Variants in CEP152 observed in about 807,000 individuals in gnomAD.
The protein encoded by CEP152 is centrosomal protein of 152 kDa.
Under a neutral mutation model 188.9 loss-of-function variants are expected in CEP152, and 132 were observed. The ratio of observed to expected loss-of-function variants is 0.70; its 90% CI spans 0.61 to 0.81. The LOEUF (loss-of-function observed/expected upper bound fraction) is 0.81, where lower values mean the gene tolerates loss of function less well. Among genes scored for constraint, CEP152 ranks in the 30% least tolerant of loss-of-function variants. The pLI is 0.00. For missense variants in CEP152, 1,914 were observed against 1,969.8 expected (o/e 0.97, Z 0.54); for synonymous variants, 649 against 666.6 (o/e 0.97, Z 0.41).
At chr15:48,796,968 T>G (rs1332564296) in intron 5 of CEP152, among the ~76,000 whole-genome samples, 2 of 152,190 alleles carry the variant, frequency 1.3e-5, no homozygotes, top group African/African-American at 4.8e-5. Flanking sequence ...ATAAGAGACC[T>G]GAACACAGCT....
intron 1 of CEP152, chr15:48,810,643 C>G (rs1898270239): frequency 6.6e-6 from 1 of 152,336 alleles, no homozygotes; most frequent in Admixed American, 6.5e-5. Flanking sequence ...CACACGTGCA[C>G]AGAGCACCTA....
chr15:48,794,506 C>T (rs758492209), intron 6 of CEP152, among the ~76,000 whole-genome samples: 4 of 151,984 alleles, frequency 2.6e-5, no homozygotes, highest in Non-Finnish European at 5.9e-5. Flanking sequence ...TAGAGCTAGC[C>T]CCATCTCCAA....
At chr15:48,765,588 TATTCCTGGA>T in intron 17 of CEP152, 1 of 421,380 alleles carries the variant, frequency 2.4e-6, no homozygotes, top group South Asian at 1.8e-5. Flanking sequence ...TATCAGAAAA[TATTCCTGGA>T]ATGACCTCTT....
Position 48,772,587 on chromosome 15 carries a change from C to A in CEP152, c.1682G>T (p.Arg561Leu). The A allele has an allele frequency of 6.2e-7, 1 of 1,613,990 alleles. No individual in the cohort carries two copies. The highest frequency in any genetic ancestry group is 8.5e-7 in the Non-Finnish European group (1 of 1,179,948). Residue 561 changes from arginine to leucine, a missense_variant, in exon 13 of 27, where the codon CGT becomes CTT. Coordinates refer to ENST00000380950, the MANE Select transcript of CEP152 (RefSeq NM_001194998.2). ...ATTTTGTAACTGAGACACCAGATGA[C>A]GCTTCATTGAGTTGCTACCCAGCAA... ...QRLLGSNSMK[R>L]HLVSQLQNDL...
chr15:48,788,757 G>A (rs1896825033), intron 9 of CEP152, 44 bp downstream of exon 9: 1 of 1,528,474 alleles, frequency 6.5e-7, no homozygotes, highest in Non-Finnish European at 9.1e-7. Flanking sequence ...AACATAACCA[G>A]CTTTACTTGT....
chr15:48,777,510 G>T (rs377694866), intron 12 of CEP152, among the ~76,000 whole-genome samples: 1 of 150,088 alleles, frequency 6.7e-6, no homozygotes, highest in Non-Finnish European at 1.5e-5. Flanking sequence ...GTGTGTATGG[G>T]TGTGCGAGAC....
chr15:48,791,722 G>T (rs904008128), intron 7 of CEP152, among the ~76,000 whole-genome samples: 5 of 151,370 alleles, frequency 3.3e-5, no homozygotes, highest in African/African-American at 1.2e-4. Context: ...TCACTATATT[G>T]GCCAGGCTAG....
chr15:48,805,535 C>CTCT lies in CEP152; in HGVS notation c.87+27_87+28insAGA, dbSNP rs1555429156. ...TTGTTAAAGATTGGGTTTAGTGTCT[C>CTCT]TTTTTTTTTTTTTTTTTAACAACTT... On this transcript the variant is annotated intron_variant, in intron 2 of 26. Transcript: ENST00000380950. The CTCT allele has an allele frequency of 4.1e-4, 502 of 1,238,080 alleles. 3 individuals carry two copies. The highest frequency in any genetic ancestry group is 8.3e-4 in the East Asian group (29 of 34,864). 76.7% of individuals were successfully genotyped at this position (1,238,080 alleles called of 1,614,324 possible).
At chr15:48,744,838 T>A in intron 23 of CEP152, 58 bp downstream of exon 23, 1 of 1,479,630 alleles carries the variant, frequency 6.8e-7, no homozygotes, top group South Asian at 1.3e-5. Flanking sequence ...TAAAAAAATT[T>A]AAAGATACTT....
chr15:48,733,722 C>T (rs982710295), downstream of CEP152, among the ~76,000 whole-genome samples: 4 of 152,096 alleles, frequency 2.6e-5, no homozygotes, highest in African/African-American at 9.7e-5. Flanking sequence ...ACACCATGCT[C>T]AGACTGTTGA....
intron 6 of CEP152, 57 bp from the exon 7 acceptor site, chr15:48,793,518 C>T: frequency 6.7e-7 from 1 of 1,493,226 alleles, no homozygotes; most frequent in Non-Finnish European, 9.2e-7. Flanking sequence ...AATTTATAGT[C>T]ATTTAAAGCA....
chr15:48,804,484 A>G (rs1022799225), intron 2 of CEP152, among the ~76,000 whole-genome samples: 5 of 152,248 alleles, frequency 3.3e-5, no homozygotes, highest in African/African-American at 7.2e-5. Context: ...CATATAAAAA[A>G]TAGCGTCAGG....
intron 19 of CEP152, among the ~76,000 whole-genome samples, chr15:48,758,193 ACTT>A (rs1183034208): frequency 6.6e-6 from 1 of 152,146 alleles, no homozygotes; most frequent in African/African-American, 2.4e-5. Context: ...CAACTTAACT[ACTT>A]CTGAATTCTA....
intron 26 of CEP152, 117 bp downstream of exon 26, chr15:48,741,484 C>CA (rs1421649491): frequency 2.5e-6 from 4 of 1,583,330 alleles, no homozygotes; most frequent in Non-Finnish European, 3.4e-6. Flanking sequence ...GTAAAACATA[C>CA]AAAACTTCAC....
At chr15:48,757,769 G>C (rs145019097) in intron 19 of CEP152, among the ~76,000 whole-genome samples, 455 of 152,272 alleles carry the variant, frequency 3.0e-3, no homozygotes, top group African/African-American at 0.01. Flanking sequence ...CTTTACAAAA[G>C]AATTCACTGC....
chr15:48,787,631 T>C (rs1595679159), intron 9 of CEP152, among the ~76,000 whole-genome samples: 1 of 152,170 alleles, frequency 6.6e-6, no homozygotes. Context: ...TGCACTCTTA[T>C]ATAGTTCTAC....
chr15:48,796,621 C>T (rs538647023), intron 5 of CEP152, among the ~76,000 whole-genome samples: 5 of 152,144 alleles, frequency 3.3e-5, no homozygotes, highest in East Asian at 3.9e-4. Flanking sequence ...TAACATTCTA[C>T]GGAGATAGAA....
chr15:48,755,473 GA>G (rs1179771852), intron 20 of CEP152, among the ~76,000 whole-genome samples: 1 of 152,056 alleles, frequency 6.6e-6, no homozygotes, highest in Non-Finnish European at 1.5e-5. Flanking sequence ...TTCAGTTTCT[GA>G]AATCTCAGGC....
In CEP152 at chr15:48,760,214, T is replaced by A; in HGVS notation, c.2615A>T (p.Glu872Val). 6.2e-7 allele frequency: 1 copy of A among 1,614,136 alleles called. No homozygotes were observed. ...CACAAGTGCTTGATACTCTGCCAGC[T>A]CTGGTAGTTCTCCCAGCCATCGCTG... ...AHQRWLGELP[E>V]LAEYQALVKA... The change falls in exon 19 of 27, where the codon GAG (glutamate) becomes GTG (valine). Residue 872 changes from glutamate to valine, a missense_variant. Coordinates refer to ENST00000380950, the MANE Select transcript of CEP152 (RefSeq NM_001194998.2).
Sources: gnomAD v4.1 joint callset for allele counts (sites outside exome capture counted in the v4.1 genomes callset) on GRCh38, gnomAD v4.1.1 for gene constraint, MANE v1.5 for transcripts, NCBI Gene and HGNC (gene_info 2026-07-23, HGNC 2026-07-21) for gene names.